PHF24: variants seen among roughly 807,000 people sequenced by gnomAD.
The protein encoded by PHF24 is Galpha inhibitory interacting protein.
PHF24 carries 25 observed loss-of-function variants against 42.6 expected under a neutral mutation model. The observed-to-expected ratio is 0.59, with a 90% CI of 0.43 to 0.82. The LOEUF (loss-of-function observed/expected upper bound fraction) is 0.82, where lower values mean the gene tolerates loss of function less well. Ranked by LOEUF, PHF24 falls within the 40% of genes least tolerant of loss-of-function variation. The probability of loss-of-function intolerance (pLI) is 0.00; values close to 1 mark genes in which losing one functional copy is unlikely to be tolerated. For synonymous variants in PHF24, 185 were observed against 204.8 expected (o/e 0.90, Z 0.83); for missense variants, 470 against 538.1 (o/e 0.87, Z 1.25).
At chr9:34,806,058 C>T in the PHF24 span, among the ~76,000 whole-genome samples, 25 of 152,260 alleles carry the variant, frequency 1.6e-4, no homozygotes, top group African/African-American at 5.1e-4. Context: ...GTACTCTTAA[C>T]TCTATTTCAC....
At chr9:34,879,905 C>T in the PHF24 span, among the ~76,000 whole-genome samples, 1 of 152,120 alleles carries the variant, frequency 6.6e-6, no homozygotes, top group Admixed American at 6.5e-5. Context: ...TTATCAGATT[C>T]ACCAAAGTTG....
chr9:34,957,400 T>C (rs896666674), upstream of PHF24, among the ~76,000 whole-genome samples: 1 of 152,236 alleles, frequency 6.6e-6, no homozygotes, highest in East Asian at 1.9e-4. Flanking sequence ...TTTTTCCTTA[T>C]AATTAGTTGC....
At chr9:34,673,551 A>G in the PHF24 span, among the ~76,000 whole-genome samples, 3 of 149,754 alleles carry the variant, frequency 2.0e-5, no homozygotes, top group Non-Finnish European at 4.5e-5. Context: ...GCTCACTGCA[A>G]CCTCCACCTC....
At chr9:34,833,850 C>T in the PHF24 span, 68 of 1,551,266 alleles carry the variant, frequency 4.4e-5, no homozygotes, top group South Asian at 3.0e-4. Flanking sequence ...GGGATTTCCA[C>T]GGGACTAGGC....
At chr9:34,826,460 A>G in the PHF24 span, among the ~76,000 whole-genome samples, 1 of 151,926 alleles carries the variant, frequency 6.6e-6, no homozygotes, top group South Asian at 2.1e-4. Flanking sequence ...AGGCCCAGCC[A>G]CCTCCCACAT....
chr9:34,705,052 C>A, the PHF24 span, among the ~76,000 whole-genome samples: 17 of 151,436 alleles, frequency 1.1e-4, no homozygotes, highest in East Asian at 2.3e-3. Context: ...GATAATTCAT[C>A]TTTAGGATTT....
chr9:34,728,688 G>A, the PHF24 span: 23 of 1,548,146 alleles, frequency 1.5e-5, no homozygotes, highest in African/African-American at 5.5e-5. Context: ...TGTGAAGCTG[G>A]GACACCATTT....
At chr9:34,780,156 G>A in the PHF24 span, among the ~76,000 whole-genome samples, 2 of 152,096 alleles carry the variant, frequency 1.3e-5, no homozygotes, top group African/African-American at 4.8e-5. Context: ...TGTACAAAAA[G>A]TAACTCAAAA....
the PHF24 span, chr9:34,918,154 G>A: frequency 1.3e-6 from 2 of 1,511,898 alleles, no homozygotes; most frequent in African/African-American, 1.4e-5. Flanking sequence ...TGCATTCCCT[G>A]GACTGTCGGC....
chr9:34,917,630 A>G, the PHF24 span: 1 of 776,824 alleles, frequency 1.3e-6, no homozygotes, highest in Admixed American at 1.7e-5. Context: ...TTGGCCTTCC[A>G]GTGGCTTCCC....
the PHF24 span, among the ~76,000 whole-genome samples, chr9:34,877,713 T>C: frequency 6.6e-6 from 1 of 152,156 alleles, no homozygotes; most frequent in Non-Finnish European, 1.5e-5. Context: ...AGGGACTGAA[T>C]AGGTAGAACA....
chr9:34,809,731 C>T, the PHF24 span, among the ~76,000 whole-genome samples: 5 of 152,168 alleles, frequency 3.3e-5, no homozygotes, highest in Admixed American at 6.5e-5. This position sits in a 1 kb window ranked among gnomAD's most constrained non-coding sequence, Gnocchi z 4.1. Flanking sequence ...CAGCCCTGCG[C>T]CCCCTCCGGG....
the PHF24 span, among the ~76,000 whole-genome samples, chr9:34,928,279 A>G: frequency 2.0e-5 from 3 of 152,112 alleles, no homozygotes; most frequent in African/African-American, 2.4e-5. Flanking sequence ...GCCAATAATA[A>G]TTGTACATTT....
At chr9:34,908,910 C>T in the PHF24 span, among the ~76,000 whole-genome samples, 4 of 145,636 alleles carry the variant, frequency 2.7e-5, no homozygotes, top group Non-Finnish European at 5.9e-5. Context: ...TGCAGTGGTG[C>T]GATCTTGGCT....
the PHF24 span, among the ~76,000 whole-genome samples, chr9:34,796,548 G>A: frequency 1.9e-4 from 29 of 152,170 alleles, no homozygotes; most frequent in Non-Finnish European, 1.5e-4. Flanking sequence ...AAAAAATGCC[G>A]AAAAGCTCAA....
chr9:34,701,154 GA>G, the PHF24 span, among the ~76,000 whole-genome samples: 2 of 152,214 alleles, frequency 1.3e-5, no homozygotes, highest in African/African-American at 4.8e-5. This position sits in a 1 kb window ranked among gnomAD's most constrained non-coding sequence, Gnocchi z 5.8. Context: ...TTTTTTCAAG[GA>G]GCCTGCCCAA....
the PHF24 span, among the ~76,000 whole-genome samples, chr9:34,827,906 C>T: frequency 3.0e-3 from 450 of 152,244 alleles, 5 homozygotes; most frequent in Non-Finnish European, 3.7e-3. Context: ...GCTCAGGTTC[C>T]ATGCATTTAG....
At chr9:34,879,497 T>C in the PHF24 span, among the ~76,000 whole-genome samples, 20 of 150,598 alleles carry the variant, frequency 1.3e-4, no homozygotes, top group Non-Finnish European at 1.0e-4. Context: ...AACTAAACAG[T>C]ATAGACCTTA....
At chr9:34,772,763 C>A in the PHF24 span, among the ~76,000 whole-genome samples, 1 of 152,110 alleles carries the variant, frequency 6.6e-6, no homozygotes, top group Non-Finnish European at 1.5e-5. Context: ...GGGGAGGAGG[C>A]TAGCATGATC....
Sources: gnomAD v4.1 joint callset for allele counts (sites outside exome capture counted in the v4.1 genomes callset) on GRCh38, gnomAD v4.1.1 for gene constraint, Gnocchi (gnomAD v3.1) non-coding constraint, MANE v1.5 for transcripts, NCBI Gene and HGNC (gene_info 2026-07-23, HGNC 2026-07-21) for gene names.